OSBPL9: variants seen among roughly 807,000 people sequenced by gnomAD.
OSBPL9 encodes oxysterol-binding protein-related protein 9.
Under a neutral mutation model 106.6 loss-of-function variants are expected in OSBPL9, and 40 were observed. The ratio of observed to expected loss-of-function variants is 0.38; its 90% confidence interval spans 0.29 to 0.49. The LOEUF (loss-of-function observed/expected upper bound fraction) is 0.49. Ranked by LOEUF, OSBPL9 falls within the 20% of genes least tolerant of loss-of-function variation. The probability of loss-of-function intolerance (pLI) is 0.97; values close to 1 mark genes in which losing one functional copy is unlikely to be tolerated. For missense variants in OSBPL9, 609 were observed against 887.2 expected (o/e 0.69, Z 3.98); for synonymous variants, 269 against 295.4 (o/e 0.91, Z 0.92).
At chr1:51,621,188 G>A (rs938327039) in intron 1 of OSBPL9, among the ~76,000 whole-genome samples, 3 of 152,092 alleles carry the variant, frequency 2.0e-5, no homozygotes, top group Non-Finnish European at 4.4e-5. Context: ...GCAGATCCCA[G>A]ATTATTATTT....
chr1:51,647,647 A>T (rs575682001), intron 1 of OSBPL9, among the ~76,000 whole-genome samples: 181 of 152,044 alleles, frequency 1.2e-3, no homozygotes, highest in African/African-American at 4.0e-3. Context: ...CTTTCTTGGA[A>T]TTTATTGGTT....
chr1:51,551,301 C>T, the OSBPL9 span, among the ~76,000 whole-genome samples: 7 of 152,200 alleles, frequency 4.6e-5, no homozygotes, highest in Non-Finnish European at 1.0e-4. Flanking sequence ...GTTCCTGCAT[C>T]TCCCTGTCAT....
chr1:51,536,421 C>T, the OSBPL9 span, among the ~76,000 whole-genome samples: 1 of 152,158 alleles, frequency 6.6e-6, no homozygotes, highest in African/African-American at 2.4e-5. Context: ...GATCCTCCCA[C>T]CCCTGCTTCC....
the OSBPL9 span, among the ~76,000 whole-genome samples, chr1:51,562,557 T>G: frequency 2.0e-5 from 3 of 152,202 alleles, no homozygotes; most frequent in African/African-American, 7.2e-5. Context: ...GTATTAGACA[T>G]AAGGATTCAG....
chr1:51,711,773 T>C (rs1357005094), intron 3 of OSBPL9, among the ~76,000 whole-genome samples: 1 of 136,022 alleles, frequency 7.4e-6, no homozygotes, highest in African/African-American at 2.8e-5. Context: ...ACATCCCAGA[T>C]GGGGCGGCGG....
the OSBPL9 span, among the ~76,000 whole-genome samples, chr1:51,568,979 C>T: frequency 1.3e-5 from 2 of 152,210 alleles, no homozygotes; most frequent in Non-Finnish European, 2.9e-5. Context: ...CCCCGCCACC[C>T]AGAGTGCTGG....
rs1163816933 is a variant in OSBPL9 at position 51,788,859 on chromosome 1, A to ATCTT, written c.*1072_*1075dup. ...AACTATATCTATCTATCTATCTATC[A>ATCTT]TCTTTTTTATTTAAAAATACATTAA... On this transcript the variant is annotated 3_prime_UTR_variant, in exon 24 of 24. Transcript: ENST00000428468. Among the ~76,000 whole-genome samples the ATCTT allele has an allele frequency of 2.0e-5, 3 of 151,280 alleles. No homozygotes were observed. Among genetic ancestry groups the ATCTT allele is most frequent in the Non-Finnish European group, 4.4e-5 (3 of 67,894 alleles).
chr1:51,586,159 G>A (rs1428296355), intron 1 of OSBPL9, among the ~76,000 whole-genome samples: 2 of 151,742 alleles, frequency 1.3e-5, no homozygotes, highest in Non-Finnish European at 2.9e-5. Flanking sequence ...GGGCAACAGA[G>A]TGAGACTGTG....
At chr1:51,655,469 C>T (rs1353573557) in intron 2 of OSBPL9, among the ~76,000 whole-genome samples, 2 of 152,176 alleles carry the variant, frequency 1.3e-5, no homozygotes, top group Admixed American at 6.5e-5. Flanking sequence ...ACTTCCCATT[C>T]GGCTATCAGC....
chr1:51,558,063 G>C, the OSBPL9 span, among the ~76,000 whole-genome samples: 1 of 152,104 alleles, frequency 6.6e-6, no homozygotes, highest in Non-Finnish European at 1.5e-5. Context: ...GGCAGATCAC[G>C]AGGTCAGGAG....
At chr1:51,534,164 A>C in the OSBPL9 span, among the ~76,000 whole-genome samples, 80 of 151,738 alleles carry the variant, frequency 5.3e-4, 1 homozygote, top group Non-Finnish European at 9.9e-4. Flanking sequence ...AGATCGTGCC[A>C]CTGCACTCCA....
At position 51,580,954 on chromosome 1, in the gene OSBPL9, A is replaced by ATATATATAT. The variant is rs869053368; in HGVS notation, c.-423+3698_-423+3699insTATATATAT. Among the ~76,000 whole-genome samples the ATATATATAT allele has an allele frequency of 9.6e-4, 3 of 3,138 alleles. 1 individual carries two copies. The highest frequency in any genetic ancestry group is 1.8e-3 in the Non-Finnish European group (3 of 1,680). The allele number at this position is 3,138 out of a possible 152,430, so 2.1% of individuals were successfully genotyped here. A position where few individuals can be genotyped will look rare whatever the true frequency, so the allele number is the denominator to read the frequency against. ...TATATATATATATATATATATATATAACTTTTTTGAAACAGAGTCTTGCTC... is the reference window on the plus strand; with the variant it reads ...TATATATATATATATATATATATATATATATATATACTTTTTTGAAACAGAGTCTTGCTC... On this transcript the variant is annotated intron_variant, in intron 1 of 25. Transcript: ENST00000371714.
chr1:51,724,519 C>T (rs1258358908), intron 4 of OSBPL9, among the ~76,000 whole-genome samples: 8 of 151,870 alleles, frequency 5.3e-5, no homozygotes, highest in South Asian at 4.2e-4. Flanking sequence ...CTCCTGACCT[C>T]GTGATTCGCA....
intron 3 of OSBPL9, among the ~76,000 whole-genome samples, chr1:51,674,181 C>A (rs1650623404): frequency 6.6e-6 from 1 of 151,634 alleles, no homozygotes; most frequent in African/African-American, 2.4e-5. Flanking sequence ...ACCTTAGCCT[C>A]CCAGGTAGCT....
chr1:51,766,779 C>T (rs1477208663), intron 12 of OSBPL9, among the ~76,000 whole-genome samples: 3 of 151,948 alleles, frequency 2.0e-5, no homozygotes, highest in Admixed American at 6.6e-5. Flanking sequence ...TATTTAAAAA[C>T]GTTTAGGGAG....
chr1:51,627,338 C>T (rs975092117), intron 1 of OSBPL9, among the ~76,000 whole-genome samples: 1 of 152,028 alleles, frequency 6.6e-6, no homozygotes, highest in Non-Finnish European at 1.5e-5. Context: ...TAAGGGTCCA[C>T]CTTTATTCTT....
At chr1:51,632,205 T>C (rs1378638001) in intron 1 of OSBPL9, among the ~76,000 whole-genome samples, 2 of 152,348 alleles carry the variant, frequency 1.3e-5, no homozygotes, top group East Asian at 1.9e-4. Flanking sequence ...TCAAGTATTA[T>C]GTACTGTACA....
At chr1:51,665,540 G>GTT (rs1648249330) in intron 2 of OSBPL9, among the ~76,000 whole-genome samples, 1 of 152,134 alleles carries the variant, frequency 6.6e-6, no homozygotes. Context: ...TGGATGTAGG[G>GTT]TTTTTGTCAT....
the OSBPL9 span, among the ~76,000 whole-genome samples, chr1:51,520,040 T>A: frequency 6.6e-6 from 1 of 152,238 alleles, no homozygotes; most frequent in Non-Finnish European, 1.5e-5. Context: ...AATTCAAGTT[T>A]CACCTCCTTT....
Sources: allele counts gnomAD v4.1 joint callset (sites outside exome capture counted in the v4.1 genomes callset), GRCh38; gene constraint gnomAD v4.1.1; transcripts MANE v1.5; gene names NCBI Gene and HGNC (gene_info 2026-07-23, HGNC 2026-07-21).